Variants in DYNC2H1 observed in about 807,000 individuals in gnomAD.
DYNC2H1 encodes the protein dynein cytoplasmic 2 heavy chain 1.
A neutral mutation model predicts 570.0 loss-of-function variants in DYNC2H1; 410 were observed. The ratio of observed to expected loss-of-function variants is 0.72; its 90% CI spans 0.66 to 0.78. The LOEUF is 0.78. Among genes scored for constraint, DYNC2H1 ranks in the 30% least tolerant of loss-of-function variants. The pLI is 0.00. For missense variants in DYNC2H1, 4,865 were observed against 5,046.4 expected (o/e 0.96, Z 1.09); for synonymous variants, 1,688 against 1,677.6 (o/e 1.01, Z -0.15).
chr11:103,360,029 A>T (rs1163759243), intron 83 of DYNC2H1, among the ~76,000 whole-genome samples: 1 of 152,050 alleles, frequency 6.6e-6, no homozygotes, highest in Non-Finnish European at 1.5e-5. Flanking sequence ...TTTCTGCCAC[A>T]ACACACCCCC....
chr11:103,430,680 T>A (rs949223078), intron 84 of DYNC2H1, among the ~76,000 whole-genome samples: 4 of 152,122 alleles, frequency 2.6e-5, no homozygotes, highest in African/African-American at 9.7e-5. Flanking sequence ...CATCCTTAAG[T>A]CATCAGCCCA....
chr11:103,117,233 TATATATATATTTA>T (rs1449706241), intron 5 of DYNC2H1, among the ~76,000 whole-genome samples: 1 of 146,768 alleles, frequency 6.8e-6, no homozygotes, highest in Non-Finnish European at 1.5e-5. Flanking sequence ...TTAATATATG[TATATATATATTTA>T]ATATATATAT....
At chr11:103,116,451 G>A in intron 4 of DYNC2H1, 119 bp from the exon 5 acceptor site, 3 of 647,178 alleles carry the variant, frequency 4.6e-6, no homozygotes, top group East Asian at 3.3e-5. Flanking sequence ...GAAAAAGGAG[G>A]AGAAAATAAT....
intron 79 of DYNC2H1, among the ~76,000 whole-genome samples, chr11:103,315,857 C>G (rs946037756): frequency 2.6e-4 from 39 of 152,046 alleles, no homozygotes; most frequent in Non-Finnish European, 2.4e-4. Context: ...ACATATAATA[C>G]ATATTTTAAA....
chr11:103,292,872 A>G (rs1866670614), intron 75 of DYNC2H1, among the ~76,000 whole-genome samples: 1 of 152,254 alleles, frequency 6.6e-6, no homozygotes, highest in African/African-American at 2.4e-5. Context: ...ATGCTGGCAG[A>G]ATCATGAGTC....
chr11:103,429,721 T>A (rs185895310), intron 84 of DYNC2H1, among the ~76,000 whole-genome samples: 71 of 152,346 alleles, frequency 4.7e-4, no homozygotes, highest in Non-Finnish European at 7.8e-4. Flanking sequence ...TTCAATTAAT[T>A]GCGTAGAGTT....
rs1001078028 is a variant in DYNC2H1, at chr11:103,319,346, G to T, written c.11726-1683G>T. Among the ~76,000 whole-genome samples the T allele has an allele frequency of 9.2e-5, 14 of 152,066 alleles. No individual in the cohort carries two copies. The highest frequency in any genetic ancestry group is 3.4e-4 in the African/African-American group (14 of 41,432). On this transcript the variant is annotated intron_variant, in intron 80 of 88. Coordinates refer to ENST00000375735, the MANE Select transcript of DYNC2H1 (RefSeq NM_001377.3). This position sits in a 1 kb window ranked among gnomAD's most constrained non-coding sequence, Gnocchi z 4.3. ...ATGTATAGAATTAAATGCCAAAAAA[G>T]AGAAAAAGGTCTAACTCTTGGGAAC...
At chr11:103,354,439 T>C (rs956843576) in intron 82 of DYNC2H1, among the ~76,000 whole-genome samples, 10 of 152,180 alleles carry the variant, frequency 6.6e-5, no homozygotes, top group Non-Finnish European at 1.2e-4. Context: ...CTGGTCACTT[T>C]ATCCCAACTT....
chr11:103,341,731 A>G (rs1382310669), intron 82 of DYNC2H1, among the ~76,000 whole-genome samples: 3 of 152,190 alleles, frequency 2.0e-5, no homozygotes, highest in Non-Finnish European at 4.4e-5. Flanking sequence ...CACATTTCTC[A>G]TTTGACTATA....
intron 87 of DYNC2H1, among the ~76,000 whole-genome samples, chr11:103,460,483 T>A: frequency 1.8e-5 from 2 of 110,240 alleles, no homozygotes; most frequent in East Asian, 3.0e-4. Context: ...GGGCAGTGGG[T>A]GGGGTGGGGG....
intron 83 of DYNC2H1, among the ~76,000 whole-genome samples, chr11:103,376,880 C>T (rs2566945): frequency 0.49 from 73,756 of 152,012 alleles, 18,193 homozygotes; most frequent in Non-Finnish European, 0.54. Context: ...ATTTCTCCTT[C>T]ATTTCTGGAG....
chr11:103,184,634 G>C (rs1314827737), intron 40 of DYNC2H1, among the ~76,000 whole-genome samples: 1 of 151,742 alleles, frequency 6.6e-6, no homozygotes, highest in East Asian at 1.9e-4. Flanking sequence ...ATATTCTTCA[G>C]GTTTAGGAAG....
At chr11:103,411,189 G>A (rs540725951) in intron 84 of DYNC2H1, among the ~76,000 whole-genome samples, 6 of 152,086 alleles carry the variant, frequency 3.9e-5, no homozygotes, top group Non-Finnish European at 7.4e-5. Flanking sequence ...AGTATAAACC[G>A]TCATTTACAG....
At chr11:103,253,734 G>C (rs990214576) in intron 66 of DYNC2H1, among the ~76,000 whole-genome samples, 1 of 152,024 alleles carries the variant, frequency 6.6e-6, no homozygotes, top group Non-Finnish European at 1.5e-5. Context: ...TTGATGGATC[G>C]TAAAGATCAT....
chr11:103,235,661 C>T lies in DYNC2H1; in HGVS notation c.9568-11C>T, dbSNP rs748397212. The T allele has an allele frequency of 1.3e-6, 2 of 1,597,228 alleles. No homozygotes were observed. Among genetic ancestry groups the T allele is most frequent in the East Asian group, 2.2e-5 (1 of 44,454 alleles). On this transcript the variant is annotated splice_polypyrimidine_tract_variant and intron_variant, in intron 61 of 88. Transcript: ENST00000375735. Reference sequence around the variant, plus strand: ...ATATATCTCCCTCTTTCTTCTCTCTCTTTTTTCCAGGTTGTAGAGATAACA... The same window carrying T: ...ATATATCTCCCTCTTTCTTCTCTCTTTTTTTTCCAGGTTGTAGAGATAACA...
At chr11:103,307,272 A>G (rs1867336002) in intron 77 of DYNC2H1, among the ~76,000 whole-genome samples, 1 of 152,150 alleles carries the variant, frequency 6.6e-6, no homozygotes, top group Non-Finnish European at 1.5e-5. Context: ...ATCATTATAT[A>G]ACTCTGTAGA....
chr11:103,296,053 T>C (rs1019806558), intron 75 of DYNC2H1, among the ~76,000 whole-genome samples: 3 of 152,174 alleles, frequency 2.0e-5, no homozygotes, highest in Non-Finnish European at 2.9e-5. Context: ...ACACAGATTC[T>C]CTCTGTGCTG....
chr11:103,183,218 C>T (rs1221926252), intron 40 of DYNC2H1, among the ~76,000 whole-genome samples: 2 of 151,832 alleles, frequency 1.3e-5, no homozygotes, highest in African/African-American at 4.8e-5. Flanking sequence ...CATTGTGACA[C>T]CTTTTCAGTA....
intron 47 of DYNC2H1, among the ~76,000 whole-genome samples, chr11:103,193,596 C>G (rs1013611569): frequency 8.6e-5 from 13 of 150,910 alleles, no homozygotes; most frequent in African/African-American, 3.2e-4. Flanking sequence ...CAGGCTGGAG[C>G]GCAAAGGTGC....
Sources: allele counts gnomAD v4.1 joint callset (sites outside exome capture counted in the v4.1 genomes callset), GRCh38; gene constraint gnomAD v4.1.1; non-coding constraint Gnocchi (gnomAD v3.1); transcripts MANE v1.5; gene names NCBI Gene and HGNC (gene_info 2026-07-23, HGNC 2026-07-21).